The following ADAM12 variants were observed in gnomAD, a reference collection of about 807,000 sequenced individuals.
The protein encoded by ADAM12 is disintegrin and metalloproteinase domain-containing protein 12.
A neutral mutation model predicts 106.4 loss-of-function variants in ADAM12; 70 were observed. That is an observed-to-expected ratio of 0.66 (90% CI 0.54 to 0.80). The LOEUF (loss-of-function observed/expected upper bound fraction) is 0.80. Among genes scored for constraint, ADAM12 ranks in the 30% least tolerant of loss-of-function variants. ADAM12 has a pLI of 0.00. For synonymous variants in ADAM12, 420 were observed against 433.5 expected, an observed-to-expected ratio of 0.97 and a Z score of 0.39; for missense variants, 1,010 against 1,171.9, an observed-to-expected ratio of 0.86 and a Z score of 2.02.
chr10:126,068,445 G>A (rs1399731687), intron 12 of ADAM12, among the ~76,000 whole-genome samples: 2 of 152,200 alleles, frequency 1.3e-5, no homozygotes, highest in Non-Finnish European at 2.9e-5. Context: ...ATGCAGCCAT[G>A]CCAAATGGCT....
chr10:126,350,099 T>C (rs1401244550), intron 1 of ADAM12, among the ~76,000 whole-genome samples: 1 of 152,138 alleles, frequency 6.6e-6, no homozygotes, highest in Non-Finnish European at 1.5e-5. Context: ...ATGATATTCT[T>C]ATAAATATTT....
At chr10:126,131,057 G>A (rs961862633) in intron 5 of ADAM12, among the ~76,000 whole-genome samples, 9 of 149,862 alleles carry the variant, frequency 6.0e-5, no homozygotes, top group Non-Finnish European at 1.0e-4. Flanking sequence ...AATTGTTGCT[G>A]GAAGAGGCCT....
chr10:126,077,594 C>T (rs1023728667), intron 11 of ADAM12, among the ~76,000 whole-genome samples: 1 of 152,056 alleles, frequency 6.6e-6, no homozygotes, highest in African/African-American at 2.4e-5. Flanking sequence ...AACCCCGACA[C>T]CTATAACCAT....
At chr10:126,103,796 C>T (rs775736258) in intron 8 of ADAM12, among the ~76,000 whole-genome samples, 2 of 152,240 alleles carry the variant, frequency 1.3e-5, no homozygotes, top group African/African-American at 2.4e-5. Context: ...CCAGCTGAAG[C>T]GATTCACCTG....
chr10:126,111,157 T>C (rs954465192), intron 6 of ADAM12, among the ~76,000 whole-genome samples: 1 of 152,158 alleles, frequency 6.6e-6, no homozygotes, highest in Non-Finnish European at 1.5e-5. Context: ...TGCTAATTCA[T>C]GAATTTAGGT....
intron 1 of ADAM12, among the ~76,000 whole-genome samples, chr10:126,368,356 GTTTT>G (rs34317249): frequency 8.4e-6 from 1 of 118,400 alleles, no homozygotes; most frequent in Non-Finnish European, 1.8e-5. Flanking sequence ...TGTGTGATTT[GTTTT>G]TTTTTTTTTT....
At chr10:126,316,758 T>C (rs1201804442) in intron 2 of ADAM12, among the ~76,000 whole-genome samples, 1 of 149,574 alleles carries the variant, frequency 6.7e-6, no homozygotes, top group Non-Finnish European at 1.5e-5. Context: ...CACTCCAGCA[T>C]TGGTGACAGA....
chr10:126,348,697 G>A (rs928517139), intron 1 of ADAM12, among the ~76,000 whole-genome samples: 6 of 152,162 alleles, frequency 3.9e-5, no homozygotes, highest in Non-Finnish European at 8.8e-5. Flanking sequence ...AACTCACAGA[G>A]CCTTCATCAC....
chr10:126,117,013 G>A (rs11244817), intron 6 of ADAM12, among the ~76,000 whole-genome samples: 3,586 of 152,260 alleles, frequency 0.024, 55 homozygotes, highest in Non-Finnish European at 0.037. Flanking sequence ...AATGTTCTCG[G>A]ACAGTCAAAT....
chr10:126,090,313 A>AG lies in ADAM12; in HGVS notation c.1145+3671_1145+3672insC, dbSNP rs1491433017. The stretch of plus-strand genomic sequence containing the variant: ...CTCTCATTTAACAGAAACTTTCTGC[A>AG]AAAAAAAAAAAAAAAAGGAATCTGT... On this transcript the variant is annotated intron_variant, in intron 11 of 22. Coordinates refer to ENST00000448723, the MANE Select transcript of ADAM12 (RefSeq NM_001288973.2). Among the ~76,000 whole-genome samples the AG allele has an allele frequency of 2.0e-3, 31 of 15,402 alleles. 1 individual carries two copies. The South Asian group carries it at 0.087, about 43-fold the overall frequency. 10.1% of individuals were successfully genotyped at this position (15,402 alleles called of 152,430 possible).
intron 1 of ADAM12, among the ~76,000 whole-genome samples, chr10:126,361,255 T>C (rs1213724830): frequency 6.6e-6 from 1 of 152,080 alleles, no homozygotes; most frequent in Admixed American, 6.6e-5. Context: ...ACTTGTATAT[T>C]GAAAATTATA....
At position 126,155,289 on chromosome 10, in the gene ADAM12, T is replaced by C. The variant is rs369076470; in HGVS notation, c.277A>G (p.Ser93Gly). ...LERNEGLIAS[S>G]FTETHYLQDG... Reference sequence around the variant, plus strand: ...TGCAGATAGTGGGTTTCCGTGAAACTGCTGGCAATGAGACCTCTGCGGAAA... The same window carrying C: ...TGCAGATAGTGGGTTTCCGTGAAACCGCTGGCAATGAGACCTCTGCGGAAA... Residue 93 changes from serine to glycine, a missense_variant, in exon 4 of 23, where the codon AGT becomes GGT. By Grantham distance (56) the Ser-to-Gly change is moderately conservative (BLOSUM62 0). Coordinates refer to ENST00000448723, the MANE Select transcript of ADAM12 (RefSeq NM_001288973.2). 3.1e-6 allele frequency: 5 copies of C among 1,614,144 alleles called. No individual in the cohort carries two copies. Among genetic ancestry groups the C allele is most frequent in the Non-Finnish European group, 4.2e-6 (5 of 1,180,002 alleles).
intron 3 of ADAM12, among the ~76,000 whole-genome samples, chr10:126,163,374 G>T (rs11244857): frequency 3.3e-5 from 5 of 151,998 alleles, no homozygotes; most frequent in African/African-American, 1.2e-4. Flanking sequence ...CTTTTTGGCC[G>T]AGTACTGTAT....
At chr10:126,353,072 G>A (rs1293329687) in intron 1 of ADAM12, among the ~76,000 whole-genome samples, 1 of 152,108 alleles carries the variant, frequency 6.6e-6, no homozygotes, top group African/African-American at 2.4e-5. Flanking sequence ...TCCCATTCGT[G>A]GAACATCAGA....
At chr10:126,342,865 T>C (rs1029133066) in intron 1 of ADAM12, among the ~76,000 whole-genome samples, 2 of 150,066 alleles carry the variant, frequency 1.3e-5, no homozygotes, top group Non-Finnish European at 2.9e-5. Flanking sequence ...TCACACAGTG[T>C]AGCACCATAA....
At chr10:126,089,381 C>CCAAATGTGAAGAGTTGGAAA (rs1955420341) in intron 11 of ADAM12, among the ~76,000 whole-genome samples, 1 of 152,128 alleles carries the variant, frequency 6.6e-6, no homozygotes, top group Non-Finnish European at 1.5e-5. Context: ...AAGGATCCTT[C>CCAAATGTGAAGAGTTGGAAA]CTCTTCACAG....
intron 1 of ADAM12, among the ~76,000 whole-genome samples, chr10:126,341,647 C>T (rs143651526): frequency 1.2e-4 from 18 of 152,188 alleles, no homozygotes; most frequent in African/African-American, 4.3e-4. Context: ...CTTGAGAAGC[C>T]AAATTAAGAG....
At chr10:126,209,100 G>A (rs994239660) in intron 3 of ADAM12, among the ~76,000 whole-genome samples, 3 of 152,194 alleles carry the variant, frequency 2.0e-5, no homozygotes, top group East Asian at 3.9e-4. Context: ...AAAGAAGAAC[G>A]CTGTCAATTC....
chr10:126,104,666 G>A (rs1955731144), intron 8 of ADAM12, among the ~76,000 whole-genome samples: 1 of 152,054 alleles, frequency 6.6e-6, no homozygotes, highest in Non-Finnish European at 1.5e-5. Flanking sequence ...AGGACCCGGG[G>A]AAAATTCTCA....
Sources: allele counts gnomAD v4.1 joint callset (sites outside exome capture counted in the v4.1 genomes callset), GRCh38; gene constraint gnomAD v4.1.1; transcripts MANE v1.5; gene names NCBI Gene and HGNC (gene_info 2026-07-23, HGNC 2026-07-21).